Variants in TMEM117 observed in about 807,000 individuals in gnomAD.
TMEM117 encodes transmembrane protein 117.
A neutral mutation model predicts 52.4 loss-of-function variants in TMEM117; 27 were observed. That is an observed-to-expected ratio of 0.51 (90% CI 0.38 to 0.71). The LOEUF is 0.71. TMEM117 is among the 30% of genes least tolerant of loss of function. TMEM117 has a pLI of 0.00. For synonymous variants in TMEM117, 215 were observed against 206.3 expected (o/e 1.04, Z -0.36); for missense variants, 556 against 630.5 (o/e 0.88, Z 1.26).
At chr12:44,076,514 A>G (rs987259352) in intron 3 of TMEM117, among the ~76,000 whole-genome samples, 1 of 152,218 alleles carries the variant, frequency 6.6e-6, no homozygotes, top group African/African-American at 2.4e-5. Flanking sequence ...AAAGGTTTTC[A>G]TATCTTGCTC....
chr12:44,251,707 T>C (rs1231705833), intron 5 of TMEM117, among the ~76,000 whole-genome samples: 1 of 152,254 alleles, frequency 6.6e-6, no homozygotes, highest in Non-Finnish European at 1.5e-5. Flanking sequence ...CTAACTAGTC[T>C]TTGAGTTAGT....
intron 6 of TMEM117, among the ~76,000 whole-genome samples, chr12:44,349,158 A>G (rs1021325918): frequency 2.0e-5 from 3 of 152,064 alleles, no homozygotes; most frequent in Admixed American, 2.0e-4. Context: ...GTTATCAATG[A>G]TAACATTTTC....
chr12:43,921,009 A>G (rs2137555958), intron 2 of TMEM117, among the ~76,000 whole-genome samples: 1 of 152,102 alleles, frequency 6.6e-6, no homozygotes, highest in East Asian at 1.9e-4. Flanking sequence ...TTATATCTGG[A>G]GTAGCTTGTT....
At chr12:44,288,199 G>A (rs1287482364) in intron 5 of TMEM117, among the ~76,000 whole-genome samples, 2 of 152,088 alleles carry the variant, frequency 1.3e-5, no homozygotes, top group African/African-American at 4.8e-5. Context: ...TACATAAGAC[G>A]CTGAGCATAA....
intron 3 of TMEM117, among the ~76,000 whole-genome samples, chr12:44,068,275 T>A (rs1947252040): frequency 6.6e-6 from 1 of 152,220 alleles, no homozygotes; most frequent in South Asian, 2.1e-4. Flanking sequence ...TTCACTGTAG[T>A]AACACTTTTA....
chr12:44,102,695 C>T (rs1947882858), intron 3 of TMEM117, among the ~76,000 whole-genome samples: 1 of 151,908 alleles, frequency 6.6e-6, no homozygotes, highest in African/African-American at 2.4e-5. Flanking sequence ...GTCTTAAGTT[C>T]CTCATATTTT....
At chr12:44,000,432 C>T (rs756271525) in intron 3 of TMEM117, among the ~76,000 whole-genome samples, 16 of 152,194 alleles carry the variant, frequency 1.1e-4, no homozygotes, top group Non-Finnish European at 2.1e-4. Flanking sequence ...GGACTTGCTC[C>T]TCAGACTGCA....
intron 5 of TMEM117, among the ~76,000 whole-genome samples, chr12:44,286,385 A>C (rs564382115): frequency 6.6e-6 from 1 of 151,856 alleles, no homozygotes; most frequent in East Asian, 1.9e-4. Flanking sequence ...TTTTGATAGA[A>C]AAAAATCGTC....
the TMEM117 span, chr12:43,806,294 C>A: frequency 5.5e-6 from 8 of 1,441,662 alleles, no homozygotes; most frequent in South Asian, 6.7e-5. Flanking sequence ...AGCCAGCGGC[C>A]CCGGCCGGCG....
the TMEM117 span, among the ~76,000 whole-genome samples, chr12:43,820,201 G>C: frequency 2.0e-5 from 3 of 152,116 alleles, no homozygotes; most frequent in African/African-American, 7.2e-5. Context: ...CGGTTCAAGC[G>C]ATTCTCCTGC....
intron 5 of TMEM117, among the ~76,000 whole-genome samples, chr12:44,234,925 G>A (rs575237738): frequency 6.6e-6 from 1 of 151,442 alleles, no homozygotes; most frequent in Non-Finnish European, 1.5e-5. Context: ...TGTATTTTGG[G>A]AGTACATGTT....
chr12:43,800,613 C>A, the TMEM117 span: 2 of 1,064,072 alleles, frequency 1.9e-6, no homozygotes, highest in Non-Finnish European at 2.8e-6. Context: ...ATATTAATAT[C>A]CTGAATCACA....
intron 4 of TMEM117, among the ~76,000 whole-genome samples, chr12:44,169,666 GT>G (rs1221026693): frequency 1.3e-5 from 2 of 152,216 alleles, no homozygotes; most frequent in African/African-American, 4.8e-5. Flanking sequence ...TGTGGATGGT[GT>G]TCTTTGATAC....
intron 2 of TMEM117, among the ~76,000 whole-genome samples, chr12:43,916,133 T>C (rs1592360611): frequency 6.6e-6 from 1 of 152,070 alleles, no homozygotes; most frequent in Non-Finnish European, 1.5e-5. Context: ...AGGGGAGGCA[T>C]GGAGGGAGAA....
the TMEM117 span, among the ~76,000 whole-genome samples, chr12:43,801,996 A>G: frequency 6.6e-6 from 1 of 152,180 alleles, no homozygotes; most frequent in Non-Finnish European, 1.5e-5. Context: ...CACCACAGCA[A>G]GCTGGTCTGG....
chr12:44,067,430 A>G (rs1182929662), intron 3 of TMEM117, among the ~76,000 whole-genome samples: 1 of 152,198 alleles, frequency 6.6e-6, no homozygotes, highest in African/African-American at 2.4e-5. Context: ...GTCGTAAATA[A>G]TAAGACTTGA....
chr12:44,075,480 C>A (rs1025390817), intron 3 of TMEM117, among the ~76,000 whole-genome samples: 1 of 152,160 alleles, frequency 6.6e-6, no homozygotes, highest in African/African-American at 2.4e-5. Context: ...CAAGGAGATC[C>A]ATATTTTCCT....
At chr12:43,927,302 T>A (rs1030990501) in intron 2 of TMEM117, among the ~76,000 whole-genome samples, 1 of 152,032 alleles carries the variant, frequency 6.6e-6, no homozygotes, top group Non-Finnish European at 1.5e-5. Context: ...GAGGTTTGTT[T>A]TGTCAATTTT....
chr12:43,883,578 T>G (rs983017731), intron 2 of TMEM117, among the ~76,000 whole-genome samples: 1 of 152,122 alleles, frequency 6.6e-6, no homozygotes, highest in African/African-American at 2.4e-5. Flanking sequence ...GTAAGAATAG[T>G]TATGAGTGGT....
Sources: allele counts gnomAD v4.1 joint callset (sites outside exome capture counted in the v4.1 genomes callset), GRCh38; gene constraint gnomAD v4.1.1; transcripts MANE v1.5; gene names NCBI Gene and HGNC (gene_info 2026-07-23, HGNC 2026-07-21).